The following FBXW7 variants were observed in gnomAD, a reference collection of about 807,000 sequenced individuals.
FBXW7 encodes F-box and WD repeat domain containing 7.
FBXW7 carries 11 observed loss-of-function variants against 86.3 expected under a neutral mutation model. The observed-to-expected ratio is 0.13, with a 90% confidence interval of 0.08 to 0.21. The LOEUF (loss-of-function observed/expected upper bound fraction) is 0.21, where lower values mean the gene tolerates loss of function less well. Among genes scored for constraint, FBXW7 ranks in the 10% least tolerant of loss-of-function variants. The pLI, the probability that FBXW7 is intolerant of heterozygous loss-of-function variation, is 1.00. For synonymous variants in FBXW7, 313 were observed against 297.9 expected (o/e 1.05, Z -0.52); for missense variants, 488 against 847.4 (o/e 0.58, Z 5.27).
At chr4:152,410,744 T>A (rs1289235198) in intron 4 of FBXW7, among the ~76,000 whole-genome samples, 3 of 152,168 alleles carry the variant, frequency 2.0e-5, no homozygotes, top group African/African-American at 7.2e-5. Context: ...TATGTTAATG[T>A]CTATAAAACA....
At chr4:152,498,541 G>A (rs1378705696) in intron 2 of FBXW7, among the ~76,000 whole-genome samples, 1 of 152,150 alleles carries the variant, frequency 6.6e-6, no homozygotes, top group African/African-American at 2.4e-5. Context: ...TCTAATAGGT[G>A]CAAGACATTC....
chr4:152,400,752 A>G (rs1736853955), intron 4 of FBXW7, among the ~76,000 whole-genome samples: 1 of 152,240 alleles, frequency 6.6e-6, no homozygotes, highest in Admixed American at 6.5e-5. Flanking sequence ...GCTCTCTGAA[A>G]GACACTGTCA....
chr4:152,535,499 G>T lies in FBXW7; in HGVS notation c.-585C>A, dbSNP rs1487880703. 2 of 395,040 alleles carry T rather than the reference G, an allele frequency of 5.1e-6. No individual in the cohort carries two copies. The highest frequency in any genetic ancestry group is 1.3e-4 in the South Asian group (1 of 7,572). The allele number at this position is 395,040 out of a possible 1,614,324, so 24.5% of individuals were successfully genotyped here. A position where few individuals can be genotyped will look rare whatever the true frequency, so the allele number is the denominator to read the frequency against. On this transcript the variant is annotated 5_prime_UTR_variant, in exon 1 of 14. Coordinates refer to ENST00000281708, the MANE Select transcript of FBXW7 (RefSeq NM_001349798.2). Reference sequence around the variant, plus strand: ...ATCGGGGTCCCCGCCCCCCCGGCCGGGGGGTGGTTGCCGAGCTTGGTTGGG... The same window carrying T: ...ATCGGGGTCCCCGCCCCCCCGGCCGTGGGGTGGTTGCCGAGCTTGGTTGGG...
chr4:152,328,378 T>C lies in FBXW7; in HGVS notation c.1248A>G (p.Thr416=). ...ATACTCCACCTGTATGTCCCACTAA[T>C]GTTCTCAGACACTGGAAAAACACTT... ...WSAVTGKCLR[T]LVGHTGGVWS... Residue 416 remains threonine (T), a synonymous_variant, in exon 11 of 14, where the codon ACA becomes ACG. Transcript: ENST00000281708. 6.5e-7 allele frequency: 1 copy of C among 1,542,276 alleles called. No individual in the cohort carries two copies. Among genetic ancestry groups the C allele is most frequent in the Non-Finnish European group, 8.7e-7 (1 of 1,148,292 alleles).
chr4:152,340,994 C>T (rs1285367256), intron 6 of FBXW7, among the ~76,000 whole-genome samples: 1 of 152,126 alleles, frequency 6.6e-6, no homozygotes, highest in Non-Finnish European at 1.5e-5. Context: ...GAACTCACAG[C>T]CTTAAACTTT....
chr4:152,370,262 T>C (rs1733893177), intron 4 of FBXW7, among the ~76,000 whole-genome samples: 1 of 151,982 alleles, frequency 6.6e-6, no homozygotes, highest in South Asian at 2.1e-4. Context: ...TGTTCAAGAC[T>C]AGCAAAGGAG....
chr4:152,352,932 G>T, intron 4 of FBXW7: 3 of 1,414,548 alleles, frequency 2.1e-6, no homozygotes, highest in South Asian at 3.2e-5. Context: ...TCAATTATAT[G>T]GTGATCCGCT....
intron 2 of FBXW7, among the ~76,000 whole-genome samples, chr4:152,433,361 C>A (rs1398350623): frequency 2.0e-5 from 3 of 152,210 alleles, no homozygotes; most frequent in African/African-American, 7.2e-5. Flanking sequence ...CCTATTTTCA[C>A]CAACATTCAG....
chr4:152,466,003 A>C (rs185661918), intron 2 of FBXW7, among the ~76,000 whole-genome samples: 195 of 152,330 alleles, frequency 1.3e-3, no homozygotes, highest in African/African-American at 4.4e-3. Flanking sequence ...AAGTTGACAA[A>C]GAATACTGTC....
chr4:152,346,895 T>G (rs2126633589), intron 6 of FBXW7, 35 bp downstream of exon 6: 1 of 1,609,160 alleles, frequency 6.2e-7, no homozygotes, highest in South Asian at 1.1e-5. Context: ...AGCAATTAAG[T>G]GAGGCATTTC....
chr4:152,431,722 C>A (rs749536812), intron 2 of FBXW7, among the ~76,000 whole-genome samples: 1 of 152,042 alleles, frequency 6.6e-6, no homozygotes, highest in Non-Finnish European at 1.5e-5. Flanking sequence ...AATTAAAATG[C>A]CTAATTTAAA....
At chr4:152,515,653 C>CA (rs1748413992) in intron 2 of FBXW7, among the ~76,000 whole-genome samples, 1 of 149,890 alleles carries the variant, frequency 6.7e-6, no homozygotes, top group Non-Finnish European at 1.5e-5. Flanking sequence ...AGCATTGAAA[C>CA]AAAAAAGTTG....
intron 4 of FBXW7, among the ~76,000 whole-genome samples, chr4:152,374,912 A>G (rs145030490): frequency 6.6e-6 from 1 of 152,050 alleles, no homozygotes; most frequent in Non-Finnish European, 1.5e-5. Flanking sequence ...GCTGGCTTTT[A>G]AAACGTTTTA....
chr4:152,491,340 A>G (rs1311558894), intron 2 of FBXW7, among the ~76,000 whole-genome samples: 1 of 152,184 alleles, frequency 6.6e-6, no homozygotes, highest in Non-Finnish European at 1.5e-5. Context: ...ATTATTCTAG[A>G]CATTAAAACA....
At chr4:152,424,845 C>CTTCTTTCTTG (rs1739240263) in intron 2 of FBXW7, among the ~76,000 whole-genome samples, 1 of 152,292 alleles carries the variant, frequency 6.6e-6, no homozygotes, top group South Asian at 2.1e-4. Context: ...GTACTCTAGG[C>CTTCTTTCTTG]AAATTAAGAC....
At chr4:152,532,717 G>C (rs1294149965) in intron 2 of FBXW7, among the ~76,000 whole-genome samples, 1 of 152,134 alleles carries the variant, frequency 6.6e-6, no homozygotes, top group Non-Finnish European at 1.5e-5. Context: ...ACATCTATAA[G>C]TTGACAATAT....
rs996137486 is a variant in FBXW7 at position 152,535,366 on chromosome 4, G to T, written c.-452C>A. 4 of 376,076 alleles carry T rather than the reference G, an allele frequency of 1.1e-5. No homozygotes were observed. Among genetic ancestry groups the T allele is most frequent in the Non-Finnish European group, 1.9e-5 (4 of 212,004 alleles). The allele number at this position is 376,076 out of a possible 1,614,324, so 23.3% of individuals were successfully genotyped here. A position where few individuals can be genotyped will look rare whatever the true frequency, so the allele number is the denominator to read the frequency against. On this transcript the variant is annotated 5_prime_UTR_variant, in exon 1 of 14. Transcript: ENST00000281708. ...CCAGCCAAGGAGCCGGGGGGCCGGCGACTGGCCAAGGGAGAAGACCCCCGG... is the reference window on the plus strand; with the variant it reads ...CCAGCCAAGGAGCCGGGGGGCCGGCTACTGGCCAAGGGAGAAGACCCCCGG...
At chr4:152,481,494 T>C (rs1237672108) in intron 2 of FBXW7, among the ~76,000 whole-genome samples, 1 of 152,216 alleles carries the variant, frequency 6.6e-6, no homozygotes, top group African/African-American at 2.4e-5. Flanking sequence ...TTTCAAATCT[T>C]ATTATTTAAG....
chr4:152,391,605 G>A (rs1183901650), intron 4 of FBXW7, among the ~76,000 whole-genome samples: 2 of 152,090 alleles, frequency 1.3e-5, no homozygotes, highest in Non-Finnish European at 1.5e-5. Context: ...AAATACGTAC[G>A]CATTGTTTCA....
Sources: allele counts gnomAD v4.1 joint callset (sites outside exome capture counted in the v4.1 genomes callset), GRCh38; gene constraint gnomAD v4.1.1; transcripts MANE v1.5; gene names NCBI Gene and HGNC (gene_info 2026-07-23, HGNC 2026-07-21).